Variants in RAP1GDS1 observed in about 807,000 individuals in gnomAD.
RAP1GDS1 encodes Rap1 GTPase-GDP dissociation stimulator 1.
RAP1GDS1 carries 35 observed loss-of-function variants against 71.1 expected under a neutral mutation model. The ratio of observed to expected loss-of-function variants is 0.49; its 90% CI spans 0.38 to 0.65. RAP1GDS1 has a LOEUF of 0.65. Ranked by LOEUF, RAP1GDS1 falls within the 30% of genes least tolerant of loss-of-function variation. The pLI is 0.00. For missense variants in RAP1GDS1, 663 were observed against 706.1 expected (o/e 0.94, Z 0.69); for synonymous variants, 229 against 243.1 (o/e 0.94, Z 0.54).
intron 9 of RAP1GDS1, among the ~76,000 whole-genome samples, chr4:98,418,056 A>G (rs1407254759): frequency 6.6e-6 from 1 of 152,140 alleles, no homozygotes; most frequent in South Asian, 2.1e-4. Flanking sequence ...TAGGAAATAC[A>G]GTTTATTTTT....
intron 2 of RAP1GDS1, among the ~76,000 whole-genome samples, chr4:98,323,541 G>A (rs370866585): frequency 9.1e-5 from 13 of 143,418 alleles, no homozygotes; most frequent in Middle Eastern, 3.2e-3. Context: ...CTGGCAAACC[G>A]AATCCAGTAG....
At chr4:98,421,200 T>C in intron 11 of RAP1GDS1, 55 bp from the exon 12 acceptor site, 1 of 1,492,060 alleles carries the variant, frequency 6.7e-7, no homozygotes, top group Non-Finnish European at 9.1e-7. Context: ...GTACGAATTA[T>C]TTCAACTGAT....
chr4:98,335,639 AT>A (rs1472359449), intron 2 of RAP1GDS1, among the ~76,000 whole-genome samples: 1 of 152,068 alleles, frequency 6.6e-6, no homozygotes, highest in Non-Finnish European at 1.5e-5. Flanking sequence ...ATCATATTAA[AT>A]ATTCTTTTAA....
chr4:98,437,476 G>C (rs1177941925), intron 14 of RAP1GDS1, among the ~76,000 whole-genome samples: 1 of 152,108 alleles, frequency 6.6e-6, no homozygotes, highest in African/African-American at 2.4e-5. Flanking sequence ...TTCTGATTTT[G>C]TATGCCATAA....
At chr4:98,438,522 C>A (rs1751447999) in intron 14 of RAP1GDS1, among the ~76,000 whole-genome samples, 2 of 143,672 alleles carry the variant, frequency 1.4e-5, no homozygotes, top group Non-Finnish European at 3.0e-5. Context: ...TTATTTCTGA[C>A]TTCCTATGGG....
At chr4:98,373,654 T>C (rs1421596986) in intron 4 of RAP1GDS1, among the ~76,000 whole-genome samples, 1 of 152,196 alleles carries the variant, frequency 6.6e-6, no homozygotes, top group Admixed American at 6.5e-5. Flanking sequence ...TCTGAGACCC[T>C]CAGTGGACAC....
In RAP1GDS1 at chr4:98,312,426, A is replaced by G. The variant is rs73834420; in HGVS notation, c.112+18911A>G. 4.4e-3 allele frequency among the ~76,000 whole-genome samples: 676 copies of G among 152,234 alleles called. 6 individuals carry two copies. Among genetic ancestry groups the G allele is most frequent in the African/African-American group, 0.016 (646 of 41,538 alleles). ...TTTCTAGCTCCTAGATAAACATACA[A>G]TGTGCTTTCTCCCTAACAAATCCTC... On this transcript the variant is annotated intron_variant, in intron 2 of 14. Coordinates refer to ENST00000408927, the MANE Select transcript of RAP1GDS1 (RefSeq NM_001100427.2).
chr4:98,327,295 G>A (rs1178195211), intron 2 of RAP1GDS1, among the ~76,000 whole-genome samples: 1 of 152,206 alleles, frequency 6.6e-6, no homozygotes, highest in African/African-American at 2.4e-5. Flanking sequence ...TTTCAGGGAA[G>A]TACAGGAAAA....
Position 98,379,050 on chromosome 4 carries a change from G to T in RAP1GDS1, c.395G>T (p.Gly132Val). The change falls in exon 5 of 15, where the codon GGT becomes GTT. Residue 132 changes from glycine to valine, a missense_variant. Physicochemically the swap from Gly to Val is moderately radical, Grantham distance 109. Transcript: ENST00000408927. Reference protein sequence around the residue: ...EGRSAVDQAGGAQIVIDHLRS... With the variant: ...EGRSAVDQAGVAQIVIDHLRS... The stretch of plus-strand genomic sequence containing the variant: ...AGAAGTGCAGTTGACCAAGCAGGTG[G>T]TGCACAGATTGTAATTGACCATTTA... The T allele has an allele frequency of 6.2e-7, 1 of 1,606,818 alleles. No homozygotes were observed. The highest frequency in any genetic ancestry group is 8.5e-7 in the Non-Finnish European group (1 of 1,176,534).
At chr4:98,269,036 A>G (rs1723075316) in intron 1 of RAP1GDS1, among the ~76,000 whole-genome samples, 1 of 152,062 alleles carries the variant, frequency 6.6e-6, no homozygotes, top group Non-Finnish European at 1.5e-5. Context: ...GGGGCATCAC[A>G]CTACATGCTT....
chr4:98,392,153 TAAG>T (rs1743798408), intron 6 of RAP1GDS1, 73 bp downstream of exon 6: 9 of 1,354,410 alleles, frequency 6.6e-6, no homozygotes, highest in Admixed American at 4.6e-5. Context: ...CTGTAGATAT[TAAG>T]AAGCTAGAAA....
chr4:98,442,140 A>T lies in RAP1GDS1; in HGVS notation c.*23A>T, dbSNP rs749612308. The T allele has an allele frequency of 1.1e-5, 17 of 1,608,484 alleles. No homozygotes were observed. Among genetic ancestry groups the T allele is most frequent in the Non-Finnish European group, 1.4e-5 (17 of 1,178,640 alleles). ...TGAGAACTGCCCGATACACGGCATC[A>T]TCCCATCTCTAATTTCCCCTCTGTC... is the stretch of plus-strand genomic sequence containing the variant. On this transcript the variant is annotated 3_prime_UTR_variant, in exon 15 of 15. Coordinates refer to ENST00000408927, the MANE Select transcript of RAP1GDS1 (RefSeq NM_001100427.2).
intron 6 of RAP1GDS1, among the ~76,000 whole-genome samples, chr4:98,400,337 G>A (rs1048199612): frequency 1.3e-5 from 2 of 151,890 alleles, no homozygotes; most frequent in African/African-American, 4.8e-5. Context: ...GGTAAAATGT[G>A]ATGTATATGT....
chr4:98,339,625 A>G (rs1246352893), intron 2 of RAP1GDS1, among the ~76,000 whole-genome samples: 1 of 151,616 alleles, frequency 6.6e-6, no homozygotes, highest in Non-Finnish European at 1.5e-5. Context: ...ACCCCTGACT[A>G]CTCCTTAGTG....
chr4:98,362,013 T>G (rs1019216315), intron 4 of RAP1GDS1, among the ~76,000 whole-genome samples: 3 of 152,138 alleles, frequency 2.0e-5, no homozygotes. Flanking sequence ...GCGTTTTGAG[T>G]TTTAGAAACG....
intron 14 of RAP1GDS1, among the ~76,000 whole-genome samples, chr4:98,439,493 C>G (rs1578898354): frequency 6.6e-6 from 1 of 152,160 alleles, no homozygotes; most frequent in African/African-American, 2.4e-5. Context: ...GTTACTTCTT[C>G]AGGTACTTTT....
chr4:98,336,352 T>G (rs1022628928), intron 2 of RAP1GDS1, among the ~76,000 whole-genome samples: 2 of 152,212 alleles, frequency 1.3e-5, no homozygotes, highest in Non-Finnish European at 2.9e-5. Context: ...ACCTACTTAG[T>G]GGTAATTTTA....
intron 5 of RAP1GDS1, among the ~76,000 whole-genome samples, chr4:98,385,173 A>T (rs1169400923): frequency 6.6e-6 from 1 of 151,796 alleles, no homozygotes; most frequent in Non-Finnish European, 1.5e-5. Flanking sequence ...ATTTTAATAT[A>T]ATAATATGCA....
At chr4:98,426,917 A>G (rs915778353) in intron 12 of RAP1GDS1, among the ~76,000 whole-genome samples, 1 of 152,160 alleles carries the variant, frequency 6.6e-6, no homozygotes, top group African/African-American at 2.4e-5. Context: ...ACATAACAAA[A>G]AAAGAAAACT....
Sources: gnomAD v4.1 joint callset for allele counts (sites outside exome capture counted in the v4.1 genomes callset) on GRCh38, gnomAD v4.1.1 for gene constraint, MANE v1.5 for transcripts, NCBI Gene and HGNC (gene_info 2026-07-23, HGNC 2026-07-21) for gene names.